Variants in SDK1 observed in about 807,000 individuals in gnomAD.
SDK1 encodes protein sidekick-1.
A neutral mutation model predicts 245.5 loss-of-function variants in SDK1; 157 were observed. The ratio of observed to expected loss-of-function variants is 0.64; its 90% CI spans 0.56 to 0.73. The LOEUF (loss-of-function observed/expected upper bound fraction) is 0.73, where lower values mean the gene tolerates loss of function less well. SDK1 is among the 30% of genes least tolerant of loss of function. SDK1 has a pLI of 0.00. For missense variants in SDK1, 3,583 were observed against 3,002.3 expected (o/e 1.19, Z -4.52); for synonymous variants, 1,647 against 1,278.5 (o/e 1.29, Z -6.15).
intron 4 of SDK1, among the ~76,000 whole-genome samples, chr7:3,735,035 C>T (rs1003110687): frequency 6.6e-6 from 1 of 152,206 alleles, no homozygotes; most frequent in South Asian, 2.1e-4. Flanking sequence ...AGAACGCTCC[C>T]TCAAGCTAGT....
At chr7:3,997,550 T>C (rs1784773541) in intron 14 of SDK1, among the ~76,000 whole-genome samples, 1 of 152,060 alleles carries the variant, frequency 6.6e-6, no homozygotes, top group African/African-American at 2.4e-5. Flanking sequence ...AGAGAAGGCC[T>C]TGGAGAGGTT....
intron 4 of SDK1, among the ~76,000 whole-genome samples, chr7:3,792,706 ATCCATCCATCCATCCGTCTG>A (rs962363625): frequency 5.3e-5 from 8 of 151,020 alleles, no homozygotes; most frequent in Admixed American, 5.3e-4. Flanking sequence ...CCATCCATCC[ATCCATCCATCCATCCGTCTG>A]TCCATCCATC....
chr7:3,534,911 C>G (rs965877516), intron 1 of SDK1, among the ~76,000 whole-genome samples: 7 of 152,274 alleles, frequency 4.6e-5, no homozygotes, highest in African/African-American at 1.7e-4. Flanking sequence ...AAGGAGCAGA[C>G]AAGACAGCGC....
At chr7:3,643,439 A>G (rs1782716449) in intron 4 of SDK1, 1 of 142,326 alleles carries the variant, frequency 7.0e-6, no homozygotes, top group East Asian at 2.1e-4. Context: ...CCCCCACCTG[A>G]GCATCTGTGG....
intron 32 of SDK1, among the ~76,000 whole-genome samples, chr7:4,172,940 C>T (rs1426517344): frequency 2.6e-5 from 4 of 152,216 alleles, no homozygotes; most frequent in Non-Finnish European, 4.4e-5. Context: ...ACCAATTGCA[C>T]GTGCAAAGAC....
Position 3,524,318 on chromosome 7 carries a change from A to G in SDK1, c.299-94762A>G, listed in dbSNP as rs185825628. Among the ~76,000 whole-genome samples, 14 of 152,266 alleles carry G rather than the reference A, an allele frequency of 9.2e-5. No homozygotes were observed. In the East Asian group the frequency reaches 2.7e-3, roughly 29 times the overall value. ...ACAAAATCCTACTTAGGTTTTAACA[A>G]AATTACTGTGGTTGCGGTGTTGAGA... On this transcript the variant is annotated intron_variant, in intron 1 of 44. Coordinates refer to ENST00000404826, the MANE Select transcript of SDK1 (RefSeq NM_152744.4).
chr7:4,250,098 C>G (rs1278726239), intron 44 of SDK1, among the ~76,000 whole-genome samples: 1 of 152,200 alleles, frequency 6.6e-6, no homozygotes, highest in South Asian at 2.1e-4. Context: ...TACTTTCTAC[C>G]TCTCTAGGTG....
Position 3,861,800 on chromosome 7 carries a change from C to T in SDK1, c.847+40217C>T, listed in dbSNP as rs191329889. ...TTTTACCCTCTCCCGTCAATGTGAA[C>T]CTAAGTTGAAAAAAGAAAACAATTA... is the stretch of plus-strand genomic sequence containing the variant. On this transcript the variant is annotated intron_variant, in intron 5 of 44. Transcript: ENST00000404826. 5.3e-5 allele frequency among the ~76,000 whole-genome samples: 8 copies of T among 152,154 alleles called. No homozygotes were observed. In the South Asian group the frequency reaches 8.3e-4, roughly 16 times the overall value.
At chr7:4,241,161 C>T (rs937534125) in intron 42 of SDK1, among the ~76,000 whole-genome samples, 1 of 152,172 alleles carries the variant, frequency 6.6e-6, no homozygotes, top group Non-Finnish European at 1.5e-5. Context: ...CGCACAGGTA[C>T]GTGCAGTCAT....
chr7:3,827,372 A>G (rs1413423084), intron 5 of SDK1, among the ~76,000 whole-genome samples: 1 of 151,878 alleles, frequency 6.6e-6, no homozygotes, highest in Non-Finnish European at 1.5e-5. Context: ...TTCTTTCCGA[A>G]CGAGATGGAA....
At chr7:3,450,551 C>T (rs550410481) in intron 1 of SDK1, among the ~76,000 whole-genome samples, 101 of 152,196 alleles carry the variant, frequency 6.6e-4, no homozygotes, top group Non-Finnish European at 1.2e-3. Flanking sequence ...AACAAGTAGA[C>T]TTGCAGGGAT....
At chr7:4,114,845 GA>G (rs1454570650) in intron 25 of SDK1, among the ~76,000 whole-genome samples, 1 of 152,178 alleles carries the variant, frequency 6.6e-6, no homozygotes, top group Non-Finnish European at 1.5e-5. Flanking sequence ...TGCCAGCAGG[GA>G]AAAGAAGGCA....
chr7:3,945,733 A>G (rs1366186516), intron 5 of SDK1, among the ~76,000 whole-genome samples: 1 of 151,706 alleles, frequency 6.6e-6, no homozygotes, highest in Non-Finnish European at 1.5e-5. Flanking sequence ...CCCTGTCTCT[A>G]CTAAAAATAC....
chr7:3,455,020 A>G (rs1357927252), intron 1 of SDK1, among the ~76,000 whole-genome samples: 3 of 152,026 alleles, frequency 2.0e-5, no homozygotes, highest in African/African-American at 4.8e-5. Flanking sequence ...TATTTTAGAT[A>G]TTCTGATAGG....
intron 44 of SDK1, among the ~76,000 whole-genome samples, chr7:4,252,545 G>A (rs1246733852): frequency 6.6e-6 from 1 of 152,086 alleles, no homozygotes. Context: ...TCTATATGTT[G>A]CTGGATTCAG....
chr7:3,407,959 C>T (rs1369973106), intron 1 of SDK1, among the ~76,000 whole-genome samples: 2 of 152,008 alleles, frequency 1.3e-5, no homozygotes, highest in Non-Finnish European at 2.9e-5. Context: ...AAGCAGGGGG[C>T]TGGGAAGCAG....
At chr7:3,533,877 C>T (rs1778784721) in intron 1 of SDK1, among the ~76,000 whole-genome samples, 1 of 151,464 alleles carries the variant, frequency 6.6e-6, no homozygotes, top group South Asian at 2.1e-4. Context: ...GTTTCATCTT[C>T]CATTTATTAA....
At chr7:3,578,740 G>T (rs1175090183) in intron 1 of SDK1, among the ~76,000 whole-genome samples, 1 of 151,788 alleles carries the variant, frequency 6.6e-6, no homozygotes, top group Non-Finnish European at 1.5e-5. Context: ...GACAAATACG[G>T]CTCTTTTTGC....
intron 32 of SDK1, among the ~76,000 whole-genome samples, chr7:4,172,241 G>A (rs558154603): frequency 2.0e-5 from 3 of 152,346 alleles, no homozygotes; most frequent in Middle Eastern, 3.4e-3. Flanking sequence ...TGGCCTGGGG[G>A]CTGCTTGAGC....
Sources: gnomAD v4.1 joint callset for allele counts (sites outside exome capture counted in the v4.1 genomes callset) on GRCh38, gnomAD v4.1.1 for gene constraint, MANE v1.5 for transcripts, NCBI Gene and HGNC (gene_info 2026-07-23, HGNC 2026-07-21) for gene names.